The following RAPGEF1 variants were observed in gnomAD, a reference collection of about 807,000 sequenced individuals.
The protein encoded by RAPGEF1 is Rap guanine nucleotide exchange factor 1.
Under a neutral mutation model 143.3 loss-of-function variants are expected in RAPGEF1, and 33 were observed. The ratio of observed to expected loss-of-function variants is 0.23; its 90% CI spans 0.17 to 0.31. The LOEUF (loss-of-function observed/expected upper bound fraction) is 0.31. RAPGEF1 is among the 10% of genes least tolerant of loss of function. RAPGEF1 has a pLI of 1.00. For synonymous variants in RAPGEF1, 629 were observed against 676.5 expected, an observed-to-expected ratio of 0.93 and a Z score of 1.09; for missense variants, 1,199 against 1,645.4, an observed-to-expected ratio of 0.73 and a Z score of 4.69.
At chr9:131,686,456 C>T (rs547852390) in intron 1 of RAPGEF1, among the ~76,000 whole-genome samples, 3 of 152,306 alleles carry the variant, frequency 2.0e-5, no homozygotes, top group Non-Finnish European at 4.4e-5. Context: ...GACCCAACCC[C>T]CCACCTGTAT....
Position 131,675,245 on chromosome 9 carries a change from A to G in RAPGEF1, c.62-24296T>C, listed in dbSNP as rs928983226. 6.6e-6 allele frequency among the ~76,000 whole-genome samples: 1 copy of G among 152,174 alleles called. No homozygotes were observed. Among genetic ancestry groups the G allele is most frequent in the African/African-American group, 2.4e-5 (1 of 41,444 alleles). On this transcript the variant is annotated intron_variant, in intron 1 of 26. Coordinates refer to ENST00000683357, the MANE Select transcript of RAPGEF1 (RefSeq NM_001377935.1). The surrounding 1 kb of genome is among the most constrained non-coding windows in gnomAD (Gnocchi z 4.6). Reference sequence around the variant, plus strand: ...GGACCGAGGGGAAAATGCTCCCAGCAGAGGGATGAGCACATCTGGAAGGCC... The same window carrying G: ...GGACCGAGGGGAAAATGCTCCCAGCGGAGGGATGAGCACATCTGGAAGGCC...
intron 5 of RAPGEF1, among the ~76,000 whole-genome samples, chr9:131,635,483 G>A (rs1407379826): frequency 1.3e-5 from 2 of 152,066 alleles, no homozygotes; most frequent in Non-Finnish European, 1.5e-5. Flanking sequence ...GTGAGTCAGT[G>A]TAAGAACGTC....
chr9:131,717,435 G>C (rs1317911563), intron 1 of RAPGEF1, among the ~76,000 whole-genome samples: 1 of 152,184 alleles, frequency 6.6e-6, no homozygotes, highest in African/African-American at 2.4e-5. Context: ...TGGTGAAATA[G>C]CAGCCGACAG....
At chr9:131,736,921 G>C (rs1837455192) in intron 1 of RAPGEF1, among the ~76,000 whole-genome samples, 1 of 152,106 alleles carries the variant, frequency 6.6e-6, no homozygotes, top group Non-Finnish European at 1.5e-5. Context: ...CTCCTCTGGA[G>C]ACTGAATAGT....
At chr9:131,695,720 T>C (rs969218027) in intron 1 of RAPGEF1, among the ~76,000 whole-genome samples, 1 of 152,170 alleles carries the variant, frequency 6.6e-6, no homozygotes, top group African/African-American at 2.4e-5. Flanking sequence ...GAATGGTAAA[T>C]GTTCTCTCTC....
Position 131,589,945 on chromosome 9 carries a change from G to C in RAPGEF1, c.2808C>G (p.Phe936Leu), listed in dbSNP as rs778421691. 2.3e-5 allele frequency: 37 copies of C among 1,613,716 alleles called. No individual in the cohort carries two copies. The highest frequency in any genetic ancestry group is 3.1e-5 in the Non-Finnish European group (36 of 1,179,808). The change falls in exon 19 of 27, where the codon TTC becomes TTG. Residue 936 changes from phenylalanine (F) to leucine (L), a missense_variant. Physicochemically the swap from Phe to Leu is conservative, Grantham distance 22. Transcript: ENST00000683357. ...ACGTGTTCTTGCTGACGCGCTTCTT[G>C]AATGTGTCGGCAAAGGGAGAGAATT... ...YEKFSPFADT[F>L]KKRVSKNTFF...
At chr9:131,713,254 A>G (rs1835636887) in intron 1 of RAPGEF1, among the ~76,000 whole-genome samples, 1 of 152,092 alleles carries the variant, frequency 6.6e-6, no homozygotes, top group African/African-American at 2.4e-5. Flanking sequence ...TATCAAGGTC[A>G]CTCCTTCAGG....
rs558375692 is a variant in RAPGEF1, at chr9:131,587,623, G to C, written c.3233+113C>G. On this transcript the variant is annotated intron_variant, in intron 22 of 26. Transcript: ENST00000683357. Reference sequence around the variant, plus strand: ...GGAACCCCCAGGAGCTTAGCGGAATGAAAGAGGCAGCTCCTTCTCCTACCA... The same window carrying C: ...GGAACCCCCAGGAGCTTAGCGGAATCAAAGAGGCAGCTCCTTCTCCTACCA... 2.9e-5 allele frequency: 28 copies of C among 978,360 alleles called. No individual in the cohort carries two copies. The East Asian group carries it at 3.9e-4, about 14-fold the overall frequency. 60.6% of individuals were successfully genotyped at this position (978,360 alleles called of 1,614,324 possible).
At chr9:131,713,537 G>C (rs1835656567) in intron 1 of RAPGEF1, among the ~76,000 whole-genome samples, 1 of 152,190 alleles carries the variant, frequency 6.6e-6, no homozygotes, top group Admixed American at 6.5e-5. Context: ...ATCTATGGGG[G>C]CACTTCCTAG....
At chr9:131,623,706 T>C (rs1421095872) in intron 10 of RAPGEF1, among the ~76,000 whole-genome samples, 1 of 152,116 alleles carries the variant, frequency 6.6e-6, no homozygotes, top group Non-Finnish European at 1.5e-5. Context: ...GGATTTCAGG[T>C]GCCGGACAGT....
Position 131,695,559 on chromosome 9 carries a change from C to T in RAPGEF1, c.61+44211G>A, listed in dbSNP as rs1041175262. Among the ~76,000 whole-genome samples, 5 of 152,296 alleles carry T rather than the reference C, an allele frequency of 3.3e-5. 1 individual carries two copies. The highest frequency in any genetic ancestry group is 4.1e-4 in the South Asian group (2 of 4,826). ...TCAGTGGAAGCAGGGGCATCAGGAG[C>T]GAGTTGGATCAAGCTAGACGTTTAG... On this transcript the variant is annotated intron_variant, in intron 1 of 26. Transcript: ENST00000683357.
intron 1 of RAPGEF1, among the ~76,000 whole-genome samples, chr9:131,656,894 T>A (rs1053434854): frequency 1.3e-5 from 2 of 152,170 alleles, no homozygotes; most frequent in African/African-American, 4.8e-5. Context: ...GTGCAATGCC[T>A]ACCAATAAAT....
In RAPGEF1 at chr9:131,595,704, C is replaced by G. The variant is rs557733234; in HGVS notation, c.2689+594G>C. Among the ~76,000 whole-genome samples the G allele has an allele frequency of 6.9e-4, 84 of 121,474 alleles. 1 individual carries two copies. Among genetic ancestry groups the G allele is most frequent in the African/African-American group, 2.6e-3 (81 of 31,008 alleles). 79.7% of individuals were successfully genotyped at this position (121,474 alleles called of 152,430 possible). On this transcript the variant is annotated intron_variant, in intron 17 of 26. Transcript: ENST00000683357. The stretch of plus-strand genomic sequence containing the variant: ...GCATGACTGGGAATGACTTTGCTAG[C>G]AGAGTCCACCCAACAAGACGTTTTA...
intron 1 of RAPGEF1, among the ~76,000 whole-genome samples, chr9:131,701,289 A>T (rs1834629465): frequency 6.6e-6 from 1 of 152,226 alleles, no homozygotes; most frequent in African/African-American, 2.4e-5. Flanking sequence ...ATTTGGAGGT[A>T]TCTGATGACA....
chr9:131,611,618 A>G (rs71503110), intron 12 of RAPGEF1, among the ~76,000 whole-genome samples: 14,944 of 152,270 alleles, frequency 0.098, 1,094 homozygotes, highest in African/African-American at 0.2. Context: ...AAGATTTAGT[A>G]CAGACTGAAA....
intron 10 of RAPGEF1, 126 bp downstream of exon 10, chr9:131,625,796 T>C: frequency 7.6e-7 from 1 of 1,308,602 alleles, no homozygotes; most frequent in African/African-American, 1.5e-5. Context: ...TCCACATACC[T>C]GGCTGGCCTA....
Position 131,589,879 on chromosome 9 carries a change from C to A in RAPGEF1, c.2867+7G>T. The A allele has an allele frequency of 6.2e-7, 1 of 1,612,366 alleles. No individual in the cohort carries two copies. Among genetic ancestry groups the A allele is most frequent in the Non-Finnish European group, 8.5e-7 (1 of 1,178,480 alleles). ...GGCCCCCAGGACCCCAAGGGTGAAG[C>A]ACTCACCAGAGCTCATCCACCACCC... On this transcript the variant is annotated splice_region_variant and intron_variant, in intron 19 of 26. Transcript: ENST00000683357.
At chr9:131,626,607 T>C (rs144036367) in intron 9 of RAPGEF1, among the ~76,000 whole-genome samples, 185 bp from the exon 10 acceptor site, 6 of 152,236 alleles carry the variant, frequency 3.9e-5, no homozygotes, top group African/African-American at 1.2e-4. Context: ...GCAAACCAGA[T>C]GGGAATATGG....
intron 1 of RAPGEF1, among the ~76,000 whole-genome samples, chr9:131,694,150 T>C (rs1404416595): frequency 2.0e-5 from 3 of 152,130 alleles, no homozygotes. Context: ...TTCACCTACT[T>C]TACTCTGACT....
Sources: gnomAD v4.1 joint callset for allele counts (sites outside exome capture counted in the v4.1 genomes callset) on GRCh38, gnomAD v4.1.1 for gene constraint, Gnocchi (gnomAD v3.1) non-coding constraint, MANE v1.5 for transcripts, NCBI Gene and HGNC (gene_info 2026-07-23, HGNC 2026-07-21) for gene names.